The following PAXIP1 variants were observed in gnomAD, a reference collection of about 807,000 sequenced individuals.
The protein encoded by PAXIP1 is PAX interacting protein 1, also known as PAX-interacting protein 1.
PAXIP1 carries 19 observed loss-of-function variants against 140.6 expected under a neutral mutation model. The observed-to-expected ratio is 0.14, with a 90% confidence interval of 0.09 to 0.20. The LOEUF (loss-of-function observed/expected upper bound fraction) is 0.20, where lower values mean the gene tolerates loss of function less well. PAXIP1 is among the 10% of genes least tolerant of loss of function. PAXIP1 has a pLI of 1.00. For synonymous variants in PAXIP1, 442 were observed against 444.6 expected (o/e 0.99, Z 0.07); for missense variants, 920 against 1,208.6 (o/e 0.76, Z 3.54).
chr7:155,002,871 G>C lies in PAXIP1; in HGVS notation c.59C>G (p.Ala20Gly). 7.1e-7 allele frequency: 1 copy of C among 1,418,370 alleles called. No homozygotes were observed. Among genetic ancestry groups the C allele is most frequent in the Non-Finnish European group, 9.4e-7 (1 of 1,066,832 alleles). 87.9% of individuals were successfully genotyped at this position (1,418,370 alleles called of 1,614,324 possible). A position where few individuals can be genotyped will look rare whatever the true frequency, so the allele number is the denominator to read the frequency against. The stretch of plus-strand genomic sequence containing the variant: ...TACCTGCGGGTCGATGTCGCCCACC[G>C]CGTAATACTTGACCTCCCTGAACAT... ...EEMFREVKYY[A>G]VGDIDPQVIQ... Residue 20 changes from alanine to glycine, a missense_variant, in exon 1 of 21, where the codon GCG becomes GGG. This residue lies in a region of PAXIP1 where 419 missense variants were observed against 514.7 expected (regional missense o/e 0.81). Transcript: ENST00000404141.
intron 4 of PAXIP1, among the ~76,000 whole-genome samples, chr7:154,985,491 C>T (rs1220014121): frequency 2.0e-5 from 3 of 152,122 alleles, no homozygotes; most frequent in African/African-American, 7.2e-5. Flanking sequence ...GCTGCGCCCA[C>T]CCTCCGACCT....
chr7:154,948,106 G>T, intron 16 of PAXIP1, 103 bp from the exon 17 acceptor site: 1 of 771,484 alleles, frequency 1.3e-6, no homozygotes. Context: ...TAATATTACA[G>T]CTACATTTAC....
At chr7:154,975,328 C>T (rs1809520268) in intron 6 of PAXIP1, among the ~76,000 whole-genome samples, 1 of 152,138 alleles carries the variant, frequency 6.6e-6, no homozygotes, top group South Asian at 2.1e-4. Flanking sequence ...TCATTATAAG[C>T]AAATCAGGTA....
chr7:154,981,820 A>G (rs527526599), intron 5 of PAXIP1, among the ~76,000 whole-genome samples: 2 of 152,300 alleles, frequency 1.3e-5, no homozygotes, highest in African/African-American at 4.8e-5. Flanking sequence ...TTAGCTATAC[A>G]CTTAAAAAAT....
In PAXIP1 at chr7:154,987,935, A is replaced by G. The variant is rs190809176; in HGVS notation, c.324+3071T>C. On this transcript the variant is annotated intron_variant, in intron 4 of 20. Transcript: ENST00000404141. ...TGCAAGTCATCCTCAGAGCTCCTGG[A>G]CCAGTTTTACCTGCAATGATCACAA... Among the ~76,000 whole-genome samples the G allele has an allele frequency of 2.9e-4, 44 of 152,268 alleles. No individual in the cohort carries two copies. The East Asian group carries it at 6.6e-3, about 23-fold the overall frequency.
chr7:154,981,690 A>G (rs1456263775), intron 5 of PAXIP1, among the ~76,000 whole-genome samples: 1 of 152,212 alleles, frequency 6.6e-6, no homozygotes, highest in East Asian at 1.9e-4. Context: ...TTAGCCAAAG[A>G]AAAATGATTT....
intron 6 of PAXIP1, among the ~76,000 whole-genome samples, chr7:154,971,861 A>G (rs901989622): frequency 3.9e-5 from 6 of 152,184 alleles, no homozygotes; most frequent in Non-Finnish European, 8.8e-5. Flanking sequence ...ATATTTCTAA[A>G]GTTTCAGTCA....
At chr7:154,983,761 T>C (rs2150774376) in intron 4 of PAXIP1, 1 of 154,808 alleles carries the variant, frequency 6.5e-6, no homozygotes, top group East Asian at 1.9e-4. Context: ...TTTATGCTAA[T>C]GGATAACAAA....
In PAXIP1 at chr7:154,960,008, C is replaced by T. The variant is rs74610355; in HGVS notation, c.2435-75G>A. 1,304 of 890,778 alleles carry T rather than the reference C, an allele frequency of 1.5e-3. 19 individuals are homozygous for T. In the East Asian group the frequency reaches 0.026, roughly 18 times the overall value. 55.2% of individuals were successfully genotyped at this position (890,778 alleles called of 1,614,324 possible). Reference sequence around the variant, plus strand: ...AAAAGGCCTTTTTATAAAAGTCTTCCCTGATAATCCTCACCAGACAGGTGG... The same window carrying T: ...AAAAGGCCTTTTTATAAAAGTCTTCTCTGATAATCCTCACCAGACAGGTGG... On this transcript the variant is annotated intron_variant, in intron 12 of 20. Transcript: ENST00000404141.
chr7:154,949,538 T>C (rs1171816197), intron 16 of PAXIP1: 1 of 152,216 alleles, frequency 6.6e-6, no homozygotes, highest in East Asian at 1.9e-4. Flanking sequence ...TTTGAAGTGT[T>C]ACTTTCAAAG....
At chr7:154,945,827 G>C (rs1209445934) in intron 20 of PAXIP1, 1 of 983,758 alleles carries the variant, frequency 1.0e-6, no homozygotes, top group Non-Finnish European at 1.2e-6. Flanking sequence ...CAGATGATGA[G>C]CTTTATTTTT....
At chr7:154,948,648 C>G (rs969000263) in intron 16 of PAXIP1, 13 of 151,764 alleles carry the variant, frequency 8.6e-5, no homozygotes, top group Non-Finnish European at 1.2e-4. Flanking sequence ...TGCTCCTCCC[C>G]TCTTTACCCC....
chr7:154,972,341 T>C (rs970689592), intron 6 of PAXIP1, among the ~76,000 whole-genome samples: 2 of 151,988 alleles, frequency 1.3e-5, no homozygotes, highest in African/African-American at 4.8e-5. Context: ...GAACAAACAT[T>C]AGCCGGGCGT....
chr7:154,957,795 G>A (rs544609959), intron 13 of PAXIP1, among the ~76,000 whole-genome samples: 7 of 150,816 alleles, frequency 4.6e-5, no homozygotes, highest in African/African-American at 1.2e-4. Flanking sequence ...GTGAAACCCC[G>A]TCTCTACTAA....
At chr7:154,960,827 A>C in intron 12 of PAXIP1, 66 bp downstream of exon 12, 1 of 1,162,138 alleles carries the variant, frequency 8.6e-7, no homozygotes, top group African/African-American at 1.6e-5. Flanking sequence ...ATGAATAAAA[A>C]GATGGTAGAA....
intron 5 of PAXIP1, among the ~76,000 whole-genome samples, chr7:154,980,854 G>A (rs886597934): frequency 1.8e-4 from 27 of 152,282 alleles, no homozygotes; most frequent in Non-Finnish European, 1.9e-4. Flanking sequence ...ATTAAGGGCT[G>A]GGAGTGGTTC....
chr7:154,947,261 T>C (rs1212512427), intron 17 of PAXIP1: 1 of 160,160 alleles, frequency 6.2e-6, no homozygotes, highest in African/African-American at 2.4e-5. Flanking sequence ...ATGATATTGA[T>C]GCTTAAGATT....
intron 3 of PAXIP1, among the ~76,000 whole-genome samples, chr7:154,992,659 A>G (rs10276898): frequency 0.99 from 149,974 of 152,240 alleles, 73,911 homozygotes; most frequent in East Asian, 1. Flanking sequence ...ACCTGGAACA[A>G]CAAAATCAGC....
At chr7:154,997,979 C>A (rs1810715933) in intron 2 of PAXIP1, among the ~76,000 whole-genome samples, 1 of 152,354 alleles carries the variant, frequency 6.6e-6, no homozygotes, top group East Asian at 1.9e-4. Flanking sequence ...AATTCAAACA[C>A]CCATCTGATT....
Sources: allele counts gnomAD v4.1 joint callset (sites outside exome capture counted in the v4.1 genomes callset), GRCh38; gene constraint gnomAD v4.1.1; regional missense constraint gnomAD v4.1.1; transcripts MANE v1.5; gene names NCBI Gene and HGNC (gene_info 2026-07-23, HGNC 2026-07-21).